The following ANKAR variants were observed in gnomAD, a reference collection of about 807,000 sequenced individuals.
The protein encoded by ANKAR is ankyrin and armadillo repeat containing.
In ANKAR, 136 loss-of-function variants were observed where a neutral mutation model predicts 146.2. The ratio of observed to expected loss-of-function variants is 0.93; its 90% CI spans 0.81 to 1.07. ANKAR has a LOEUF of 1.07. Ranked by LOEUF, ANKAR falls within the 50% of genes least tolerant of loss-of-function variation. The pLI is 0.00. For missense variants in ANKAR, 1,567 were observed against 1,679.9 expected (o/e 0.93, Z 1.18); for synonymous variants, 500 against 575.8 (o/e 0.87, Z 1.88).
chr2:189,701,975 G>T (rs558373837), intron 7 of ANKAR, among the ~76,000 whole-genome samples: 6 of 152,224 alleles, frequency 3.9e-5, no homozygotes, highest in African/African-American at 1.4e-4. Context: ...ATCATCCTAT[G>T]ATTATATCTC....
chr2:189,750,254 G>A (rs752549604), downstream of ANKAR, among the ~76,000 whole-genome samples: 5 of 152,162 alleles, frequency 3.3e-5, no homozygotes, highest in Non-Finnish European at 4.4e-5. Flanking sequence ...TCCTAGGCCT[G>A]TATGATACAG....
intron 18 of ANKAR, chr2:189,755,027 A>AT (rs1039269712): frequency 6.5e-6 from 6 of 919,732 alleles, no homozygotes; most frequent in Non-Finnish European, 9.5e-6. Context: ...TACTCTTTCT[A>AT]TTTTTTCTCA....
chr2:189,727,118 T>G (rs1301361981), intron 12 of ANKAR, among the ~76,000 whole-genome samples: 2 of 152,048 alleles, frequency 1.3e-5, no homozygotes, highest in African/African-American at 2.4e-5. Context: ...ATACCCATAT[T>G]GAAAAAAACA....
At chr2:189,726,884 T>G (rs1295770377) in intron 12 of ANKAR, among the ~76,000 whole-genome samples, 1 of 151,980 alleles carries the variant, frequency 6.6e-6, no homozygotes, top group Non-Finnish European at 1.5e-5. Context: ...GATAAATGGA[T>G]AGAAAAACCA....
intron 2 of ANKAR, among the ~76,000 whole-genome samples, chr2:189,682,420 G>T (rs894681578): frequency 6.6e-6 from 1 of 152,084 alleles, no homozygotes. Context: ...GCAAGCAGTG[G>T]TAAATGACCA....
rs1052550837 is a variant in ANKAR, at chr2:189,728,080, C to T, written c.2860C>T (p.Leu954Phe). 1.2e-6 allele frequency: 2 copies of T among 1,611,054 alleles called. No homozygotes were observed. The highest frequency in any genetic ancestry group is 2.7e-5 in the African/African-American group (2 of 74,774). The change falls in exon 13 of 23, where the codon CTT becomes TTT. Residue 954 changes from leucine (L) to phenylalanine (F), a missense_variant. Physicochemically the swap from Leu to Phe is conservative, Grantham distance 22. Coordinates refer to ENST00000684021, the MANE Select transcript of ANKAR (RefSeq NM_001378068.1). The stretch of plus-strand genomic sequence containing the variant: ...TCTGGAAAAATCGTTAACTAAATAT[C>T]TTTTAAAACTCCTAAAGGTAGGAAT... Reference protein sequence around the residue: ...AFLEKSLTKYLLKLLKAFQID... With the variant: ...AFLEKSLTKYFLKLLKAFQID...
chr2:189,689,553 G>A lies in ANKAR; in HGVS notation c.628G>A (p.Asp210Asn). 6.3e-7 allele frequency: 1 copy of A among 1,598,536 alleles called. No homozygotes were observed. The highest frequency in any genetic ancestry group is 8.5e-7 in the Non-Finnish European group (1 of 1,173,998). The part of the protein sequence containing the change: ...AGLTDITKDP[D>N]FNEIYDEDVN... ...TTTGACTGATATTACAAAGGATCCA[G>A]ACTTTAATGAAATCTATGATGAAGA... The change falls in exon 3 of 23, where the codon GAC (aspartate) becomes AAC (asparagine). Residue 210 changes from aspartate to asparagine, a missense_variant. Transcript: ENST00000684021.
At chr2:189,679,612 C>T (rs1574327213) in intron 2 of ANKAR, among the ~76,000 whole-genome samples, 1 of 152,104 alleles carries the variant, frequency 6.6e-6, no homozygotes, top group Non-Finnish European at 1.5e-5. Flanking sequence ...TTATAGAGGA[C>T]TTTTATTACC....
intron 7 of ANKAR, among the ~76,000 whole-genome samples, chr2:189,699,745 C>T (rs995324057): frequency 2.0e-5 from 3 of 152,142 alleles, no homozygotes; most frequent in Admixed American, 2.0e-4. Context: ...CTGCAACTTC[C>T]GCCTCCCGGC....
At chr2:189,732,522 G>A (rs746046545) in intron 16 of ANKAR, among the ~76,000 whole-genome samples, 39 of 151,940 alleles carry the variant, frequency 2.6e-4, no homozygotes, top group African/African-American at 3.4e-4. Flanking sequence ...TTAGCTGGGC[G>A]TGGTAGTGCG....
intron 1 of ANKAR, 38 bp from the exon 2 acceptor site, chr2:189,676,418 G>T (rs1574304570): frequency 7.0e-7 from 1 of 1,436,484 alleles, no homozygotes; most frequent in East Asian, 2.5e-5. Context: ...TGGCATGTCA[G>T]ATTTTATTGA....
rs780828582 is a variant in ANKAR at position 189,696,311 on chromosome 2, T to A, written c.1650T>A (p.Cys550Ter). 4 of 1,614,090 alleles carry A rather than the reference T, an allele frequency of 2.5e-6. No individual in the cohort carries two copies. Among genetic ancestry groups the A allele is most frequent in the Admixed American group, 3.3e-5 (2 of 60,008 alleles). ...AALHNRVSII[C>*]QLCNANFKVN... ...TGCACAACAGAGTTTCTATTATATG[T>A]CAACTGTGCAATGCTAACTTCAAGG... The change falls in exon 7 of 23, where the codon TGT becomes TGA. Residue 550 changes from cysteine to a stop codon, truncating the protein, a stop_gained. Transcript: ENST00000684021. LOFTEE classifies it high-confidence loss of function.
chr2:189,759,882 T>C (rs2046724082), intron 18 of ANKAR, among the ~76,000 whole-genome samples: 2 of 152,090 alleles, frequency 1.3e-5, no homozygotes, highest in Non-Finnish European at 2.9e-5. Flanking sequence ...GGTCTCTGGT[T>C]TTCCTAGGCA....
intron 7 of ANKAR, among the ~76,000 whole-genome samples, chr2:189,702,973 G>A (rs2105632017): frequency 6.6e-6 from 1 of 152,292 alleles, no homozygotes; most frequent in Non-Finnish European, 1.5e-5. Flanking sequence ...GAAAGTGAAA[G>A]TGCACTATTA....
chr2:189,719,091 T>C (rs2040933000), intron 10 of ANKAR, among the ~76,000 whole-genome samples: 1 of 152,274 alleles, frequency 6.6e-6, no homozygotes, highest in South Asian at 2.1e-4. Flanking sequence ...CCTATTGTAA[T>C]TAATGAGACT....
downstream of ANKAR, among the ~76,000 whole-genome samples, chr2:189,749,847 C>T (rs2044842417): frequency 6.6e-6 from 1 of 152,168 alleles, no homozygotes; most frequent in Non-Finnish European, 1.5e-5. Flanking sequence ...TCTAAAATTG[C>T]TCTCTTGAGC....
chr2:189,762,645 A>T (rs1200277527), downstream of ANKAR: 54 of 985,312 alleles, frequency 5.5e-5, no homozygotes, highest in Non-Finnish European at 6.5e-5. Context: ...CCAGGTGCGC[A>T]AAAGCGTCAG....
At chr2:189,738,487 A>G in intron 18 of ANKAR, 78 bp from the exon 19 acceptor site, 2 of 853,074 alleles carry the variant, frequency 2.3e-6, no homozygotes, top group Admixed American at 2.5e-5. Context: ...AAAAAAAAAC[A>G]TAAAAAATGA....
At chr2:189,676,425 T>C (rs1179615338) in intron 1 of ANKAR, 31 bp from the exon 2 acceptor site, 7 of 1,444,654 alleles carry the variant, frequency 4.8e-6, no homozygotes, top group South Asian at 1.5e-5. Flanking sequence ...TCAGATTTTA[T>C]TGATAATCTT....
Sources: gnomAD v4.1 joint callset for allele counts (sites outside exome capture counted in the v4.1 genomes callset) on GRCh38, gnomAD v4.1.1 for gene constraint, MANE v1.5 for transcripts, NCBI Gene and HGNC (gene_info 2026-07-23, HGNC 2026-07-21) for gene names.